The following FASTKD2 variants were observed in gnomAD, a reference collection of about 807,000 sequenced individuals.
FASTKD2 encodes FAST kinase domain-containing protein 2, mitochondrial.
In FASTKD2, 51 loss-of-function variants were observed where a neutral mutation model predicts 63.6. The observed-to-expected ratio is 0.80, with a 90% CI of 0.64 to 1.01. FASTKD2 has a LOEUF of 1.01. Among genes scored for constraint, FASTKD2 ranks in the 50% least tolerant of loss-of-function variants. The pLI, the probability that FASTKD2 is intolerant of heterozygous loss-of-function variation, is 0.00. For synonymous variants in FASTKD2, 284 were observed against 293.4 expected (o/e 0.97, Z 0.33); for missense variants, 786 against 831.1 (o/e 0.95, Z 0.67).
intron 9 of FASTKD2, among the ~76,000 whole-genome samples, 183 bp from the exon 10 acceptor site, chr2:206,788,636 G>C (rs978791631): frequency 6.6e-6 from 1 of 151,548 alleles, no homozygotes; most frequent in Non-Finnish European, 1.5e-5. Flanking sequence ...TCAACAGGGT[G>C]GGGTAAAAGG....
At chr2:206,777,679 C>A (rs1247364405) in intron 7 of FASTKD2, among the ~76,000 whole-genome samples, 1 of 152,086 alleles carries the variant, frequency 6.6e-6, no homozygotes, top group Admixed American at 6.5e-5. Context: ...AAAATGAGTT[C>A]TCTGTCTTCA....
chr2:206,766,685 G>C lies in FASTKD2; in HGVS notation c.-9G>C. On this transcript the variant is annotated 5_prime_UTR_variant, in exon 2 of 12. Coordinates refer to ENST00000402774, the MANE Select transcript of FASTKD2 (RefSeq NM_001136193.2). ...GTTCTTTTTCACTAGTAGAAGTGAC[G>C]TTGGTTTCATGTTGACAACTTTGAA... 6.2e-7 allele frequency: 1 copy of C among 1,612,950 alleles called. No individual in the cohort carries two copies. The highest frequency in any genetic ancestry group is 8.5e-7 in the Non-Finnish European group (1 of 1,178,976).
At position 206,788,876 on chromosome 2, in the gene FASTKD2, A is replaced by T. The variant is rs1243642699; in HGVS notation, c.1871A>T (p.Asp624Val). The T allele has an allele frequency of 2.5e-6, 4 of 1,575,080 alleles. No individual in the cohort carries two copies. The highest frequency in any genetic ancestry group is 3.5e-6 in the Non-Finnish European group (4 of 1,144,874). Residue 624 changes from aspartate to valine, a missense_variant, in exon 10 of 12, where the codon GAT (aspartate) becomes GTT (valine). Physicochemically the swap from Asp to Val is radical, Grantham distance 152 (BLOSUM62 -3). Transcript: ENST00000402774. ...RNQVLPLSDV[D>V]TTSATDIQRV... ...CAAGTGCTACCACTTTCTGATGTGG[A>T]TACAACTTCTGCTACAGATATTCAA...
At chr2:206,778,365 A>G (rs1218908395) in intron 7 of FASTKD2, among the ~76,000 whole-genome samples, 1 of 151,736 alleles carries the variant, frequency 6.6e-6, no homozygotes, top group Non-Finnish European at 1.5e-5. Flanking sequence ...ATTTGTCTTG[A>G]AATATTTTCT....
Position 206,794,222 on chromosome 2 carries a change from C to G in FASTKD2, c.*2420C>G, listed in dbSNP as rs1690379408. Among the ~76,000 whole-genome samples the G allele has an allele frequency of 6.6e-6, 1 of 152,110 alleles. No homozygotes were observed. The highest frequency in any genetic ancestry group is 2.1e-4 in the South Asian group (1 of 4,830). ...TTTGCTTTTTTCTCTGTCCCCTAAA[C>G]AACCACTGATCTATGGCACACATAG... On this transcript the variant is annotated 3_prime_UTR_variant, in exon 12 of 12. Coordinates refer to ENST00000402774, the MANE Select transcript of FASTKD2 (RefSeq NM_001136193.2).
In FASTKD2 at chr2:206,793,973, G is replaced by A. The variant is rs1690370480; in HGVS notation, c.*2171G>A. On this transcript the variant is annotated 3_prime_UTR_variant, in exon 12 of 12. Transcript: ENST00000402774. ...AATGAGGCAAGCACTTGCATAAGCT[G>A]TTGGTAGACTGTAAATTAATACCTT... Among the ~76,000 whole-genome samples, 1 of 152,196 alleles carries A rather than the reference G, an allele frequency of 6.6e-6. No homozygotes were observed. The highest frequency in any genetic ancestry group is 1.5e-5 in the Non-Finnish European group (1 of 68,036).
Position 206,791,755 on chromosome 2 carries a change from G to T in FASTKD2, c.2086G>T (p.Val696Leu). 6.2e-7 allele frequency: 1 copy of T among 1,612,872 alleles called. No homozygotes were observed. ...VTFLKTKIYS[V>L]EALPVAAVNV... Reference sequence around the variant, plus strand: ...ATTTTTGAAGACTAAAATCTATTCAGTAGAAGCTCTTCCTGTTGCTGCTGT... The same window carrying T: ...ATTTTTGAAGACTAAAATCTATTCATTAGAAGCTCTTCCTGTTGCTGCTGT... Residue 696 changes from valine to leucine, a missense_variant, in exon 12 of 12, where the codon GTA becomes TTA. Physicochemically the swap from Val to Leu is conservative, Grantham distance 32 (BLOSUM62 1). Coordinates refer to ENST00000402774, the MANE Select transcript of FASTKD2 (RefSeq NM_001136193.2).
intron 10 of FASTKD2, 125 bp from the exon 11 acceptor site, chr2:206,790,447 G>T (rs1690252905): frequency 1.4e-6 from 1 of 718,702 alleles, no homozygotes; most frequent in South Asian, 1.4e-5. Context: ...GAAGGACTAA[G>T]ACAGGAATAT....
chr2:206,772,197 T>C lies in FASTKD2; in HGVS notation c.1131T>C (p.Cys377=), dbSNP rs1250562018. 1 of 1,612,648 alleles carries C rather than the reference T, an allele frequency of 6.2e-7. No homozygotes were observed. Among genetic ancestry groups the C allele is most frequent in the Non-Finnish European group, 8.5e-7 (1 of 1,178,744 alleles). The change falls in exon 6 of 12, where the codon TGT becomes TGC. Residue 377 remains cysteine (C), a synonymous_variant. Coordinates refer to ENST00000402774, the MANE Select transcript of FASTKD2 (RefSeq NM_001136193.2). ...TTCTTCAAGATAATATCCATGGGTGTCCTTTAAGAATAATGATCAACATAT... is the reference window on the plus strand; with the variant it reads ...TTCTTCAAGATAATATCCATGGGTGCCCTTTAAGAATAATGATCAACATAT... ...SKVVLDNIHG[C]PLRIMINILQ...
In FASTKD2 at chr2:206,791,934, A is replaced by AT. The variant is rs758650975; in HGVS notation, c.*136dup. On this transcript the variant is annotated 3_prime_UTR_variant, in exon 12 of 12. Coordinates refer to ENST00000402774, the MANE Select transcript of FASTKD2 (RefSeq NM_001136193.2). The stretch of plus-strand genomic sequence containing the variant: ...TTACCTCAGTTCACTATTAAAATTA[A>AT]TTTTAGGAGTGGAAGAAATGTTGTT... 44 of 784,004 alleles carry AT rather than the reference A, an allele frequency of 5.6e-5. No individual in the cohort carries two copies. The highest frequency in any genetic ancestry group is 8.2e-5 in the Non-Finnish European group (40 of 488,294). 48.6% of individuals were successfully genotyped at this position (784,004 alleles called of 1,614,324 possible).
intron 3 of FASTKD2, 25 bp from the exon 4 acceptor site, chr2:206,771,157 T>C: frequency 1.5e-6 from 2 of 1,301,538 alleles, no homozygotes; most frequent in Non-Finnish European, 2.2e-6. Flanking sequence ...TCTATGATTT[T>C]AATATTTATT....
chr2:206,765,840 G>C (rs568826761), intron 1 of FASTKD2, 93 bp downstream of exon 1: 1 of 152,730 alleles, frequency 6.5e-6, no homozygotes, highest in African/African-American at 2.4e-5. Context: ...AGGCTGGCTG[G>C]TTGTATAAGA....
In FASTKD2 at chr2:206,791,812, C is replaced by A. The variant is rs1421538262; in HGVS notation, c.*10C>A. ...GCAAAGCACACAATAAAGTGAAAATCAACCTTTTCATATTAGGAGACATGC... is the reference window on the plus strand; with the variant it reads ...GCAAAGCACACAATAAAGTGAAAATAAACCTTTTCATATTAGGAGACATGC... On this transcript the variant is annotated 3_prime_UTR_variant, in exon 12 of 12. Transcript: ENST00000402774. The A allele has an allele frequency of 6.2e-7, 1 of 1,610,408 alleles. No homozygotes were observed. The highest frequency in any genetic ancestry group is 1.7e-5 in the Admixed American group (1 of 59,988).
chr2:206,772,205 G>A lies in FASTKD2; in HGVS notation c.1139G>A (p.Arg380Lys), dbSNP rs776225508. The change falls in exon 6 of 12, where the codon AGA becomes AAA. Residue 380 changes from arginine (R) to lysine (K), a missense_variant. Physicochemically the swap from Arg to Lys is conservative, Grantham distance 26. Coordinates refer to ENST00000402774, the MANE Select transcript of FASTKD2 (RefSeq NM_001136193.2). The stretch of plus-strand genomic sequence containing the variant: ...GATAATATCCATGGGTGTCCTTTAA[G>A]AATAATGATCAACATATTGCAGTCC... ...VLDNIHGCPLRIMINILQSCK... is the reference protein window; with the variant it reads ...VLDNIHGCPLKIMINILQSCK... 1.4e-5 allele frequency: 22 copies of A among 1,613,132 alleles called. No homozygotes were observed. Among genetic ancestry groups the A allele is most frequent in the Non-Finnish European group, 1.8e-5 (21 of 1,179,248 alleles).
intron 8 of FASTKD2, 148 bp from the exon 9 acceptor site, chr2:206,787,789 C>T (rs1395253507): frequency 2.8e-6 from 1 of 351,212 alleles, no homozygotes; most frequent in Non-Finnish European, 5.0e-6. Flanking sequence ...AGAGAGAGTC[C>T]TTGTGATAAG....
chr2:206,780,169 A>G (rs1320877278), intron 7 of FASTKD2, among the ~76,000 whole-genome samples: 1 of 152,124 alleles, frequency 6.6e-6, no homozygotes, highest in Non-Finnish European at 1.5e-5. Flanking sequence ...CAGTATTACC[A>G]TATCCTATAT....
At chr2:206,773,229 C>T (rs947499127) in intron 6 of FASTKD2, among the ~76,000 whole-genome samples, 1 of 148,466 alleles carries the variant, frequency 6.7e-6, no homozygotes, top group Non-Finnish European at 1.5e-5. Context: ...GCAGGAGGAC[C>T]ACTTGAACCT....
At chr2:206,787,847 T>G in intron 8 of FASTKD2, 90 bp from the exon 9 acceptor site, 1 of 552,248 alleles carries the variant, frequency 1.8e-6, no homozygotes, top group Non-Finnish European at 3.1e-6. Flanking sequence ...TATTTATTAT[T>G]TTATAACTAT....
intron 7 of FASTKD2, among the ~76,000 whole-genome samples, chr2:206,784,736 CTCA>C (rs750152777): frequency 6.6e-5 from 10 of 152,170 alleles, no homozygotes; most frequent in Non-Finnish European, 1.3e-4. Flanking sequence ...TTTTTCTTGA[CTCA>C]TCGTTTTCCA....
Sources: allele counts gnomAD v4.1 joint callset (sites outside exome capture counted in the v4.1 genomes callset), GRCh38; gene constraint gnomAD v4.1.1; transcripts MANE v1.5; gene names NCBI Gene and HGNC (gene_info 2026-07-23, HGNC 2026-07-21).